The following RIMS1 variants were observed in gnomAD, a reference collection of about 807,000 sequenced individuals.
RIMS1 encodes regulating synaptic membrane exocytosis protein 1.
In RIMS1, 83 loss-of-function variants were observed where a neutral mutation model predicts 214.1. The observed-to-expected ratio is 0.39, with a 90% CI of 0.32 to 0.47. The LOEUF is 0.47. Among genes scored for constraint, RIMS1 ranks in the 20% least tolerant of loss-of-function variants. RIMS1 has a pLI of 0.99. For synonymous variants in RIMS1, 793 were observed against 786.8 expected (o/e 1.01, Z -0.13); for missense variants, 2,050 against 2,161.8 (o/e 0.95, Z 1.03).
intron 1 of RIMS1, among the ~76,000 whole-genome samples, chr6:71,922,513 C>G (rs1780312034): frequency 6.6e-6 from 1 of 152,158 alleles, no homozygotes; most frequent in Non-Finnish European, 1.5e-5. Context: ...GCACTGCAGC[C>G]TGGACGATAG....
intron 6 of RIMS1, among the ~76,000 whole-genome samples, chr6:72,231,159 A>G (rs1470807155): frequency 6.6e-6 from 1 of 151,734 alleles, no homozygotes; most frequent in Non-Finnish European, 1.5e-5. Flanking sequence ...TATTCCGTTA[A>G]TAATAGTGAA....
chr6:72,178,836 A>G (rs1269827491), intron 4 of RIMS1, among the ~76,000 whole-genome samples: 1 of 152,220 alleles, frequency 6.6e-6, no homozygotes, highest in East Asian at 1.9e-4. Flanking sequence ...GCTACATCTT[A>G]TAATTTATCA....
At chr6:72,080,664 A>G (rs6934498) in intron 2 of RIMS1, among the ~76,000 whole-genome samples, 64,844 of 152,044 alleles carry the variant, frequency 0.43, 15,212 homozygotes, top group Non-Finnish European at 0.52. Context: ...TGCTCAGTCC[A>G]TTCCTACCAC....
chr6:72,203,398 T>G (rs986970313), intron 6 of RIMS1, among the ~76,000 whole-genome samples: 38 of 152,268 alleles, frequency 2.5e-4, no homozygotes, highest in African/African-American at 7.7e-4. Flanking sequence ...GGGTAGATTT[T>G]GGGCAGAAAG....
At position 71,886,651 on chromosome 6, in the gene RIMS1, C is replaced by G. The variant is rs1183435024; in HGVS notation, c.-373C>G. ...CCAGCCCCGCCCCCGCCCCGCGCCC[C>G]GCCGGAGACGCCCGGATCGGCGGAG... On this transcript the variant is annotated 5_prime_UTR_variant, in exon 1 of 34. Transcript: ENST00000521978. The G allele has an allele frequency of 6.6e-6, 1 of 150,862 alleles. No homozygotes were observed. Among genetic ancestry groups the G allele is most frequent in the African/African-American group, 2.4e-5 (1 of 41,182 alleles). 9.3% of individuals were successfully genotyped at this position (150,862 alleles called of 1,614,324 possible). A position where few individuals can be genotyped will look rare whatever the true frequency, so the allele number is the denominator to read the frequency against.
At chr6:71,986,061 G>C (rs1799845917) in intron 2 of RIMS1, among the ~76,000 whole-genome samples, 1 of 151,920 alleles carries the variant, frequency 6.6e-6, no homozygotes, top group African/African-American at 2.4e-5. Context: ...TTCAGATACA[G>C]TTAATATTTT....
chr6:72,186,099 A>G (rs181174690), intron 6 of RIMS1, among the ~76,000 whole-genome samples: 4 of 152,386 alleles, frequency 2.6e-5, no homozygotes, highest in African/African-American at 7.2e-5. Flanking sequence ...ATCAGTAAAC[A>G]GTAGGTTCCT....
intron 31 of RIMS1, among the ~76,000 whole-genome samples, chr6:72,395,869 G>A (rs1247563293): frequency 2.0e-5 from 3 of 151,112 alleles, no homozygotes; most frequent in South Asian, 2.1e-4. Context: ...TCAAAAATAT[G>A]TACATATATT....
intron 1 of RIMS1, among the ~76,000 whole-genome samples, chr6:71,898,809 G>T (rs770456195): frequency 2.3e-4 from 35 of 152,138 alleles, no homozygotes; most frequent in Non-Finnish European, 4.0e-4. Context: ...TCATTACTGA[G>T]AGAGCTAGGG....
At chr6:72,390,056 T>C (rs901451082) in intron 29 of RIMS1, among the ~76,000 whole-genome samples, 2 of 152,152 alleles carry the variant, frequency 1.3e-5, no homozygotes, top group African/African-American at 2.4e-5. Context: ...AGTATAAATA[T>C]TATATAGTGT....
Position 71,886,760 on chromosome 6 carries a change from G to T in RIMS1, c.-264G>T, listed in dbSNP as rs1767881387. On this transcript the variant is annotated 5_prime_UTR_variant, in exon 1 of 34. Transcript: ENST00000521978. ...GCCGGCCGAGGCTGGGCTGCGGGAG[G>T]CGGCCGGGCGGCCCCGAGCTTCGCT... 1 of 286,776 alleles carries T rather than the reference G, an allele frequency of 3.5e-6. No individual in the cohort carries two copies. Among genetic ancestry groups the T allele is most frequent in the African/African-American group, 2.2e-5 (1 of 45,432 alleles). The allele number at this position is 286,776 out of a possible 1,614,324, so 17.8% of individuals were successfully genotyped here. A position where few individuals can be genotyped will look rare whatever the true frequency, so the allele number is the denominator to read the frequency against.
intron 1 of RIMS1, among the ~76,000 whole-genome samples, chr6:71,905,003 C>T (rs62407748): frequency 0.13 from 19,416 of 152,046 alleles, 1,594 homozygotes; most frequent in Middle Eastern, 0.21. Flanking sequence ...GAATCTTATA[C>T]AGTATTGAAG....
At chr6:72,232,477 A>G (rs1198594632) in intron 6 of RIMS1, among the ~76,000 whole-genome samples, 1 of 151,628 alleles carries the variant, frequency 6.6e-6, no homozygotes, top group Non-Finnish European at 1.5e-5. Context: ...CAGTAGGAGT[A>G]TAGAGATTTA....
chr6:72,281,532 G>T (rs2090105668), intron 23 of RIMS1, among the ~76,000 whole-genome samples: 1 of 152,048 alleles, frequency 6.6e-6, no homozygotes, highest in South Asian at 2.1e-4. Context: ...TCAAAAAGAT[G>T]CCAATAGCCC....
At chr6:72,318,579 A>C (rs2095958095) in intron 28 of RIMS1, among the ~76,000 whole-genome samples, 1 of 152,060 alleles carries the variant, frequency 6.6e-6, no homozygotes, top group African/African-American at 2.4e-5. Flanking sequence ...CCTTATATTA[A>C]ACCATATGTA....
In RIMS1 at chr6:72,398,340, A is replaced by G. The variant is rs764183183; in HGVS notation, c.4710A>G (p.Lys1570=). Residue 1570 remains lysine, a synonymous_variant, in exon 32 of 34, where the codon AAA becomes AAG. Coordinates refer to ENST00000521978, the MANE Select transcript of RIMS1 (RefSeq NM_014989.7). ...GCCTCACACAAAAGCCTGGTTCCAA[A>G]TCTACACCTGGTAAGGAGAAGTATT... The part of the protein sequence containing the change: ...ARSLTQKPGS[K]STPAPYVKVY... 37 of 1,598,626 alleles carry G rather than the reference A, an allele frequency of 2.3e-5. No individual in the cohort carries two copies. The highest frequency in any genetic ancestry group is 1.3e-4 in the African/African-American group (10 of 74,574).
chr6:72,063,052 G>T (rs1828327353), intron 2 of RIMS1, among the ~76,000 whole-genome samples: 1 of 151,986 alleles, frequency 6.6e-6, no homozygotes, highest in Non-Finnish European at 1.5e-5. Context: ...TTTTTGGGAG[G>T]TCATAATTCA....
intron 2 of RIMS1, among the ~76,000 whole-genome samples, chr6:72,087,985 C>G (rs1018457429): frequency 1.3e-5 from 2 of 152,110 alleles, no homozygotes; most frequent in Non-Finnish European, 2.9e-5. Context: ...TATCAGTACC[C>G]TTCAATTAGG....
In RIMS1 at chr6:72,131,617, G is replaced by A. The variant is rs574055318; in HGVS notation, c.471+31631G>A. 7.9e-5 allele frequency among the ~76,000 whole-genome samples: 12 copies of A among 152,294 alleles called. No individual in the cohort carries two copies. In the South Asian group the frequency reaches 1.0e-3, roughly 13 times the overall value. On this transcript the variant is annotated intron_variant, in intron 4 of 33. Coordinates refer to ENST00000521978, the MANE Select transcript of RIMS1 (RefSeq NM_014989.7). ...ATCACAAGGCAAATGGAGGCAGGGC[G>A]AGATCACAGGACCACAGGACTGGGG...
Sources: gnomAD v4.1 joint callset for allele counts (sites outside exome capture counted in the v4.1 genomes callset) on GRCh38, gnomAD v4.1.1 for gene constraint, MANE v1.5 for transcripts, NCBI Gene and HGNC (gene_info 2026-07-23, HGNC 2026-07-21) for gene names.